Variants in GPR139 observed in about 807,000 individuals in gnomAD.
GPR139 encodes the protein G protein-coupled receptor 139, also known as probable G protein-coupled receptor 139.
GPR139 carries 12 observed loss-of-function variants against 25.8 expected under a neutral mutation model. The observed-to-expected ratio is 0.47, with a 90% CI of 0.30 to 0.75. The LOEUF is 0.75. GPR139 is among the 30% of genes least tolerant of loss of function. The probability of loss-of-function intolerance (pLI) is 0.07; values close to 1 mark genes in which losing one functional copy is unlikely to be tolerated. For synonymous variants in GPR139, 184 were observed against 179.9 expected, an observed-to-expected ratio of 1.02 and a Z score of -0.18; for missense variants, 380 against 450.2, an observed-to-expected ratio of 0.84 and a Z score of 1.41.
At chr16:20,060,148 C>T (rs961255893) in intron 1 of GPR139, among the ~76,000 whole-genome samples, 1 of 152,250 alleles carries the variant, frequency 6.6e-6, no homozygotes, top group Non-Finnish European at 1.5e-5. Flanking sequence ...TCAGCAGCTC[C>T]GTGGAGCTGA....
chr16:20,033,578 T>G (rs1467205347), intron 1 of GPR139, among the ~76,000 whole-genome samples: 1 of 152,182 alleles, frequency 6.6e-6, no homozygotes, highest in African/African-American at 2.4e-5. Context: ...AGAGCTTGGA[T>G]TTTAGGACCT....
intron 1 of GPR139, among the ~76,000 whole-genome samples, chr16:20,033,136 T>G (rs1472111970): frequency 6.8e-6 from 1 of 146,664 alleles, no homozygotes; most frequent in East Asian, 2.0e-4. Flanking sequence ...GGAGGTGGTG[T>G]TGCCATTCTC....
In GPR139 at chr16:20,029,434, A is replaced by G. The variant is rs2057278923; in HGVS notation, c.*2301T>C. Among the ~76,000 whole-genome samples the G allele has an allele frequency of 6.6e-6, 1 of 151,830 alleles. No homozygotes were observed. Among genetic ancestry groups the G allele is most frequent in the African/African-American group, 2.4e-5 (1 of 41,358 alleles). ...ATTGCACTTTGACTCATTCATGTGT[A>G]GCTCAAACTAGCATTTTTCAGAGCT... On this transcript the variant is annotated 3_prime_UTR_variant, in exon 2 of 2. Transcript: ENST00000570682.
At position 20,031,690 on chromosome 16, in the gene GPR139, C is replaced by A; in HGVS notation, c.*45G>T. ...GCCATAGGATGGGACACCTTCCCAT[C>A]TGGAAATGGATTAGACAGAGGCAGT... On this transcript the variant is annotated 3_prime_UTR_variant, in exon 2 of 2. Coordinates refer to ENST00000570682, the MANE Select transcript of GPR139 (RefSeq NM_001002911.4). 1.3e-6 allele frequency: 2 copies of A among 1,495,346 alleles called. No individual in the cohort carries two copies. The highest frequency in any genetic ancestry group is 2.4e-5 in the South Asian group (2 of 84,390). 92.6% of individuals were successfully genotyped at this position (1,495,346 alleles called of 1,614,324 possible).
chr16:20,073,820 G>T lies in GPR139; in HGVS notation c.-204C>A, dbSNP rs1460335988. On this transcript the variant is annotated 5_prime_UTR_variant, in exon 1 of 2. Coordinates refer to ENST00000570682, the MANE Select transcript of GPR139 (RefSeq NM_001002911.4). The surrounding 1 kb of genome is among the most constrained non-coding windows in gnomAD (Gnocchi z 4.7). ...CCTGGAGTCTTGGCTCAGCCCTCCCGCAGGGCGCGGGGCGCAGGGTGCGGG... is the reference window on the plus strand; with the variant it reads ...CCTGGAGTCTTGGCTCAGCCCTCCCTCAGGGCGCGGGGCGCAGGGTGCGGG... The T allele has an allele frequency of 2.3e-5, 14 of 620,950 alleles. No homozygotes were observed. The highest frequency in any genetic ancestry group is 3.5e-5 in the Non-Finnish European group (14 of 399,058). The allele number at this position is 620,950 out of a possible 1,614,324, so 38.5% of individuals were successfully genotyped here. A position where few individuals can be genotyped will look rare whatever the true frequency, so the allele number is the denominator to read the frequency against.
chr16:20,049,538 G>A (rs993438451), intron 1 of GPR139, among the ~76,000 whole-genome samples: 1 of 152,184 alleles, frequency 6.6e-6, no homozygotes, highest in Non-Finnish European at 1.5e-5. Context: ...TTTAATGTGC[G>A]AAATCATCTG....
rs2057469483 is a variant in GPR139 at position 20,073,689 on chromosome 16, TGGCGGCGGCGGA to T, written c.-85_-74del. 3 of 1,472,068 alleles carry T rather than the reference TGGCGGCGGCGGA, an allele frequency of 2.0e-6. No homozygotes were observed. Among genetic ancestry groups the T allele is most frequent in the South Asian group, 2.8e-5 (2 of 71,116 alleles). 91.2% of individuals were successfully genotyped at this position (1,472,068 alleles called of 1,614,324 possible). A position where few individuals can be genotyped will look rare whatever the true frequency, so the allele number is the denominator to read the frequency against. ...CCGACTCTGGTCGCCGGCTCGGTGG[TGGCGGCGGCGGA>T]GGCAGCGGCAGCTGGAGCAGCAGCG... On this transcript the variant is annotated 5_prime_UTR_variant, in exon 1 of 2. Transcript: ENST00000570682. This position sits in a 1 kb window ranked among gnomAD's most constrained non-coding sequence, Gnocchi z 4.7.
intron 1 of GPR139, among the ~76,000 whole-genome samples, chr16:20,039,027 C>T (rs1024078562): frequency 3.3e-5 from 5 of 152,158 alleles, no homozygotes; most frequent in African/African-American, 7.2e-5. Flanking sequence ...CAAGCCCCGC[C>T]GAACTTCACC....
Position 20,040,821 on chromosome 16 carries a change from G to A in GPR139, c.128-8152C>T, listed in dbSNP as rs528424493. 2.8e-3 allele frequency among the ~76,000 whole-genome samples: 430 copies of A among 152,226 alleles called. 2 individuals carry two copies. The highest frequency in any genetic ancestry group is 0.01 in the African/African-American group (417 of 41,548). On this transcript the variant is annotated intron_variant, in intron 1 of 1. Coordinates refer to ENST00000570682, the MANE Select transcript of GPR139 (RefSeq NM_001002911.4). ...TTTTTGATTGCAATGGCAGTTATGT[G>A]AAGAAGAGCAGGCCACTCTTGAGCA...
At chr16:20,068,218 A>G (rs1009212134) in intron 1 of GPR139, among the ~76,000 whole-genome samples, 7 of 143,454 alleles carry the variant, frequency 4.9e-5, no homozygotes, top group Admixed American at 2.1e-4. Flanking sequence ...TCACATGAAT[A>G]TCATTATCTA....
Position 20,028,529 on chromosome 16 carries a change from A to G in GPR139, c.*3206T>C, listed in dbSNP as rs1482765305. Among the ~76,000 whole-genome samples the G allele has an allele frequency of 6.6e-6, 1 of 152,168 alleles. No individual in the cohort carries two copies. Among genetic ancestry groups the G allele is most frequent in the Non-Finnish European group, 1.5e-5 (1 of 68,038 alleles). Reference sequence around the variant, plus strand: ...CTTTCTATTCCATTCTCTGAACTGGAATAGCCAACATTAGAGTCTTTTATT... The same window carrying G: ...CTTTCTATTCCATTCTCTGAACTGGGATAGCCAACATTAGAGTCTTTTATT... On this transcript the variant is annotated 3_prime_UTR_variant, in exon 2 of 2. Transcript: ENST00000570682.
At chr16:20,065,427 G>A (rs908922600) in intron 1 of GPR139, among the ~76,000 whole-genome samples, 2 of 152,104 alleles carry the variant, frequency 1.3e-5, no homozygotes, top group Non-Finnish European at 2.9e-5. Flanking sequence ...TCATTGAGGA[G>A]CGTTTGCTGC....
rs747176394 is a variant in GPR139 at position 20,073,477 on chromosome 16, C to T, written c.127+13G>A. ...GGTTCCTGGCTTCCCTCCCTCTCCC[C>T]CACGCCCCTCACCTGGTAAACCGAG... On this transcript the variant is annotated intron_variant, in intron 1 of 1. Coordinates refer to ENST00000570682, the MANE Select transcript of GPR139 (RefSeq NM_001002911.4). This position sits in a 1 kb window ranked among gnomAD's most constrained non-coding sequence, Gnocchi z 4.7. 10 of 1,609,944 alleles carry T rather than the reference C, an allele frequency of 6.2e-6. No individual in the cohort carries two copies. Among genetic ancestry groups the T allele is most frequent in the African/African-American group, 1.3e-5 (1 of 74,798 alleles).
rs944967392 is a variant in GPR139 at position 20,034,975 on chromosome 16, T to C, written c.128-2306A>G. Among the ~76,000 whole-genome samples the C allele has an allele frequency of 5.9e-5, 9 of 152,338 alleles. No individual in the cohort carries two copies. In the South Asian group the frequency reaches 1.7e-3, roughly 28 times the overall value. ...CATGACTCTCCATGAGAAGTACTTATATATGAAAATTTCTCTGGGGTAATG... is the reference window on the plus strand; with the variant it reads ...CATGACTCTCCATGAGAAGTACTTACATATGAAAATTTCTCTGGGGTAATG... On this transcript the variant is annotated intron_variant, in intron 1 of 1. Transcript: ENST00000570682.
intron 1 of GPR139, among the ~76,000 whole-genome samples, chr16:20,061,452 T>C (rs1299521396): frequency 1.3e-5 from 2 of 152,128 alleles, no homozygotes; most frequent in African/African-American, 4.8e-5. Flanking sequence ...GGCGGATGTA[T>C]GTATGTATGT....
chr16:20,037,626 C>T (rs2057314716), intron 1 of GPR139, among the ~76,000 whole-genome samples: 1 of 152,102 alleles, frequency 6.6e-6, no homozygotes, highest in African/African-American at 2.4e-5. Context: ...CCATTTTACA[C>T]ATGAGGAAAC....
At chr16:20,056,174 C>T (rs555352839) in intron 1 of GPR139, among the ~76,000 whole-genome samples, 1 of 152,274 alleles carries the variant, frequency 6.6e-6, no homozygotes, top group African/African-American at 2.4e-5. Context: ...TCAACCCCAC[C>T]CTTTCCCCAG....
At chr16:20,053,472 A>G (rs1360035786) in intron 1 of GPR139, among the ~76,000 whole-genome samples, 2 of 152,186 alleles carry the variant, frequency 1.3e-5, no homozygotes, top group Non-Finnish European at 2.9e-5. Context: ...GTGAAAAATC[A>G]AGGAAGTGTG....
chr16:20,036,552 A>G (rs1032671969), intron 1 of GPR139, among the ~76,000 whole-genome samples: 1 of 152,220 alleles, frequency 6.6e-6, no homozygotes, highest in African/African-American at 2.4e-5. Flanking sequence ...CACGTCTTAC[A>G]TGGTGGCCAG....
Sources: gnomAD v4.1 joint callset for allele counts (sites outside exome capture counted in the v4.1 genomes callset) on GRCh38, gnomAD v4.1.1 for gene constraint, Gnocchi (gnomAD v3.1) non-coding constraint, MANE v1.5 for transcripts, NCBI Gene and HGNC (gene_info 2026-07-23, HGNC 2026-07-21) for gene names.